The following GRIA4 variants were observed in gnomAD, a reference collection of about 807,000 sequenced individuals.
GRIA4 encodes the protein glutamate receptor 4.
In GRIA4, 34 loss-of-function variants were observed where a neutral mutation model predicts 104.0. The observed-to-expected ratio is 0.33, with a 90% CI of 0.25 to 0.44. The LOEUF (loss-of-function observed/expected upper bound fraction) is 0.44. Among genes scored for constraint, GRIA4 ranks in the 20% least tolerant of loss-of-function variants. The pLI is 1.00. For synonymous variants in GRIA4, 386 were observed against 381.9 expected (o/e 1.01, Z -0.13); for missense variants, 750 against 1,096.5 (o/e 0.68, Z 4.46).
At chr11:105,625,775 TC>T (rs1237064379) in intron 3 of GRIA4, among the ~76,000 whole-genome samples, 7 of 152,108 alleles carry the variant, frequency 4.6e-5, no homozygotes, top group Admixed American at 3.3e-4. Flanking sequence ...TTATATTGGT[TC>T]CTGTTAAGTC....
rs1229401986 is a variant in GRIA4, at chr11:105,869,773, T to C, written c.672+7565T>C. ...TGCTACATTGTTTTATCCACTTTGA[T>C]TCAGTCAGAAAAGTAATGGAACAAA... On this transcript the variant is annotated intron_variant, in intron 5 of 16. Coordinates refer to ENST00000282499, the MANE Select transcript of GRIA4 (RefSeq NM_000829.4). 2.0e-5 allele frequency among the ~76,000 whole-genome samples: 3 copies of C among 152,178 alleles called. No individual in the cohort carries two copies. In the East Asian group the frequency reaches 5.8e-4, roughly 29 times the overall value.
intron 4 of GRIA4, among the ~76,000 whole-genome samples, chr11:105,819,998 G>A (rs956241390): frequency 1.3e-5 from 2 of 152,002 alleles, no homozygotes; most frequent in Non-Finnish European, 2.9e-5. Context: ...CAAAGGCAGA[G>A]GTTGAAGTTA....
intron 5 of GRIA4, among the ~76,000 whole-genome samples, chr11:105,876,504 G>A (rs891431959): frequency 2.6e-5 from 4 of 152,130 alleles, no homozygotes; most frequent in African/African-American, 9.7e-5. Flanking sequence ...GTCTACTATT[G>A]ACAGTGGGGT....
intron 3 of GRIA4, among the ~76,000 whole-genome samples, chr11:105,630,484 A>G (rs1565416436): frequency 6.6e-6 from 1 of 152,140 alleles, no homozygotes; most frequent in Non-Finnish European, 1.5e-5. Flanking sequence ...GAATCGCTTG[A>G]ACCTGGGAGG....
intron 3 of GRIA4, among the ~76,000 whole-genome samples, chr11:105,677,381 A>C (rs1952571926): frequency 6.6e-6 from 1 of 151,894 alleles, no homozygotes; most frequent in Non-Finnish European, 1.5e-5. Flanking sequence ...ATAGCATTAT[A>C]ATTTTCCTGA....
chr11:105,954,296 C>G (rs1212075793), intron 14 of GRIA4, among the ~76,000 whole-genome samples: 1 of 152,156 alleles, frequency 6.6e-6, no homozygotes, highest in Non-Finnish European at 1.5e-5. Context: ...TAATTTATAT[C>G]TCAAATTTTA....
chr11:105,634,167 T>A (rs1325479644), intron 3 of GRIA4, among the ~76,000 whole-genome samples: 1 of 151,714 alleles, frequency 6.6e-6, no homozygotes, highest in Non-Finnish European at 1.5e-5. Context: ...GGCAACATGG[T>A]GAAACCCCGA....
intron 3 of GRIA4, among the ~76,000 whole-genome samples, chr11:105,641,375 T>C (rs1437496389): frequency 1.3e-5 from 2 of 152,176 alleles, no homozygotes; most frequent in Non-Finnish European, 2.9e-5. Context: ...CCCACTCTTG[T>C]CACTCATGCT....
intron 4 of GRIA4, among the ~76,000 whole-genome samples, chr11:105,754,049 C>T (rs1219291106): frequency 1.3e-5 from 2 of 152,092 alleles, no homozygotes; most frequent in Non-Finnish European, 2.9e-5. Context: ...ACTTAACTTT[C>T]ATGTCCCTCT....
At chr11:105,879,059 A>G (rs760402622) in intron 5 of GRIA4, among the ~76,000 whole-genome samples, 4 of 152,190 alleles carry the variant, frequency 2.6e-5, no homozygotes, top group Non-Finnish European at 5.9e-5. Context: ...CAGGTTGTGA[A>G]GACTGTGGGA....
At chr11:105,728,915 T>C (rs2135598867) in intron 3 of GRIA4, among the ~76,000 whole-genome samples, 1 of 152,078 alleles carries the variant, frequency 6.6e-6, no homozygotes, top group East Asian at 1.9e-4. Flanking sequence ...AGATCTAAAA[T>C]CCACACTCTA....
intron 3 of GRIA4, among the ~76,000 whole-genome samples, chr11:105,725,381 G>C (rs1229466205): frequency 6.6e-6 from 1 of 152,166 alleles, no homozygotes; most frequent in Non-Finnish European, 1.5e-5. Context: ...TGAATGGCAA[G>C]TGAGGACACT....
intron 4 of GRIA4, among the ~76,000 whole-genome samples, chr11:105,842,365 G>T (rs2135962707): frequency 6.6e-6 from 1 of 152,246 alleles, no homozygotes. Context: ...CGATTAGTGT[G>T]ACTGCTATGA....
chr11:105,828,241 C>T (rs1342454822), intron 4 of GRIA4, among the ~76,000 whole-genome samples: 3 of 151,958 alleles, frequency 2.0e-5, no homozygotes, highest in Non-Finnish European at 4.4e-5. Context: ...ACTAGAGCCT[C>T]TGGGCGTTTG....
At chr11:105,895,342 C>T (rs1228773913) in intron 6 of GRIA4, among the ~76,000 whole-genome samples, 1 of 151,300 alleles carries the variant, frequency 6.6e-6, no homozygotes, top group Non-Finnish European at 1.5e-5. Flanking sequence ...CCTTAATAGG[C>T]TTTTTGCTCT....
intron 3 of GRIA4, among the ~76,000 whole-genome samples, chr11:105,729,746 A>C (rs1038057817): frequency 3.3e-5 from 5 of 152,202 alleles, no homozygotes; most frequent in African/African-American, 1.2e-4. Flanking sequence ...AAACAGAACC[A>C]ATATCAAAAA....
At chr11:105,824,515 C>A (rs1943693982) in intron 4 of GRIA4, 1 of 152,034 alleles carries the variant, frequency 6.6e-6, no homozygotes, top group Non-Finnish European at 1.5e-5. Context: ...TTAGTGTTCT[C>A]ATTTCTATGC....
At chr11:105,801,976 G>A (rs1465023044) in intron 4 of GRIA4, among the ~76,000 whole-genome samples, 1 of 152,104 alleles carries the variant, frequency 6.6e-6, no homozygotes, top group Non-Finnish European at 1.5e-5. Context: ...CATCTGGGAT[G>A]CCAATTTGAG....
intron 3 of GRIA4, among the ~76,000 whole-genome samples, chr11:105,691,546 A>G (rs763701297): frequency 9.2e-5 from 14 of 152,216 alleles, no homozygotes; most frequent in Non-Finnish European, 1.5e-4. Context: ...CATCTGTAAA[A>G]TAAGATAACA....
Sources: gnomAD v4.1 joint callset for allele counts (sites outside exome capture counted in the v4.1 genomes callset) on GRCh38, gnomAD v4.1.1 for gene constraint, MANE v1.5 for transcripts, NCBI Gene and HGNC (gene_info 2026-07-23, HGNC 2026-07-21) for gene names.